TENM4: variants seen among roughly 807,000 people sequenced by gnomAD.
TENM4 encodes the protein teneurin transmembrane protein 4, also known as teneurin-4.
In TENM4, 82 loss-of-function variants were observed where a neutral mutation model predicts 243.3. The observed-to-expected ratio is 0.34, with a 90% CI of 0.28 to 0.40. TENM4 has a LOEUF of 0.40. Ranked by LOEUF, TENM4 falls within the 10% of genes least tolerant of loss-of-function variation. The pLI is 1.00. For missense variants in TENM4, 3,138 were observed against 3,673.3 expected, an observed-to-expected ratio of 0.85 and a Z score of 3.77; for synonymous variants, 1,412 against 1,456.3, an observed-to-expected ratio of 0.97 and a Z score of 0.69.
chr11:78,901,156 A>T (rs564464537), intron 7 of TENM4, among the ~76,000 whole-genome samples: 84 of 152,302 alleles, frequency 5.5e-4, no homozygotes, highest in Non-Finnish European at 6.6e-4. Flanking sequence ...GCATATACAT[A>T]CACTGAATAT....
chr11:79,276,902 C>T (rs913307234), intron 2 of TENM4, among the ~76,000 whole-genome samples: 2 of 152,150 alleles, frequency 1.3e-5, no homozygotes, highest in Admixed American at 1.3e-4. Flanking sequence ...ATAACCCCTT[C>T]CCCCATCCCC....
intron 6 of TENM4, among the ~76,000 whole-genome samples, chr11:78,965,967 GTTT>G (rs1295565962): frequency 6.6e-6 from 1 of 152,144 alleles, no homozygotes; most frequent in Non-Finnish European, 1.5e-5. Flanking sequence ...TGTTTAGTAT[GTTT>G]TTTAACATAT....
At chr11:79,095,865 G>A (rs1861063831) in intron 4 of TENM4, 11 of 152,208 alleles carry the variant, frequency 7.2e-5, no homozygotes, top group Admixed American at 7.2e-4. Flanking sequence ...AAGTAGCAGA[G>A]TTAGGGGTCA....
At chr11:79,298,521 C>CAAAAAAAA (rs61373828) in intron 1 of TENM4, among the ~76,000 whole-genome samples, 18 of 17,232 alleles carry the variant, frequency 1.0e-3, no homozygotes, top group Non-Finnish European at 2.5e-3. Flanking sequence ...GACTCCGTCT[C>CAAAAAAAA]AAAAAAAAAA....
At chr11:79,333,490 C>G (rs1857095398) in intron 1 of TENM4, among the ~76,000 whole-genome samples, 1 of 152,210 alleles carries the variant, frequency 6.6e-6, no homozygotes, top group South Asian at 2.1e-4. Context: ...GGAAAGTGAT[C>G]TTTGAGCAGA....
chr11:79,183,316 C>T (rs947402939), intron 3 of TENM4, among the ~76,000 whole-genome samples: 2 of 152,114 alleles, frequency 1.3e-5, no homozygotes, highest in Admixed American at 6.6e-5. Flanking sequence ...AAGTCTACAT[C>T]CTGCATTATT....
intron 6 of TENM4, among the ~76,000 whole-genome samples, chr11:78,984,043 T>C (rs1452910876): frequency 6.6e-6 from 1 of 152,170 alleles, no homozygotes; most frequent in Non-Finnish European, 1.5e-5. Flanking sequence ...GAAAAAGCCC[T>C]GGGCTCTTCG....
intron 4 of TENM4, among the ~76,000 whole-genome samples, chr11:79,105,005 G>C (rs1861330278): frequency 6.6e-6 from 1 of 152,144 alleles, no homozygotes; most frequent in Non-Finnish European, 1.5e-5. Flanking sequence ...GATTTTAAAA[G>C]GTTTTAGAAT....
intron 29 of TENM4, among the ~76,000 whole-genome samples, chr11:78,686,893 T>C (rs1296427683): frequency 6.6e-6 from 1 of 152,190 alleles, no homozygotes; most frequent in Non-Finnish European, 1.5e-5. Flanking sequence ...AATTTGGGAG[T>C]AAAAGTGGTT....
intron 9 of TENM4, among the ~76,000 whole-genome samples, chr11:78,883,260 G>A (rs1178859801): frequency 4.1e-5 from 6 of 147,892 alleles, no homozygotes; most frequent in African/African-American, 8.0e-5. Context: ...CCCACTTTGC[G>A]TTTTTCAACA....
intron 4 of TENM4, among the ~76,000 whole-genome samples, chr11:79,080,266 G>T (rs960503743): frequency 6.6e-6 from 1 of 152,220 alleles, no homozygotes; most frequent in African/African-American, 2.4e-5. Flanking sequence ...TAGACCCGGG[G>T]ACAAGGGGTT....
chr11:78,913,955 G>A (rs1340259335), intron 6 of TENM4, among the ~76,000 whole-genome samples: 1 of 152,158 alleles, frequency 6.6e-6, no homozygotes, highest in African/African-American at 2.4e-5. Context: ...GAGGAGAAGG[G>A]GAAGGAGAAG....
chr11:78,903,529 G>A lies in TENM4; in HGVS notation c.494-6C>T, dbSNP rs976224246. On this transcript the variant is annotated splice_region_variant and splice_polypyrimidine_tract_variant and intron_variant, in intron 6 of 33. Coordinates refer to ENST00000278550, the MANE Select transcript of TENM4 (RefSeq NM_001098816.3). Reference sequence around the variant, plus strand: ...CTGCAGGCCGCCCGGATGATCTAGGGCACAAACATGGCGGTCAGCGGCGGT... The same window carrying A: ...CTGCAGGCCGCCCGGATGATCTAGGACACAAACATGGCGGTCAGCGGCGGT... 3 of 1,545,200 alleles carry A rather than the reference G, an allele frequency of 1.9e-6. No individual in the cohort carries two copies. The highest frequency in any genetic ancestry group is 2.4e-5 in the East Asian group (1 of 40,888).
rs537445915 is a variant in TENM4, at chr11:78,765,378, T to C, written c.2539+5614A>G. Among the ~76,000 whole-genome samples, 92 of 152,334 alleles carry C rather than the reference T, an allele frequency of 6.0e-4. 1 individual carries two copies. The highest frequency in any genetic ancestry group is 2.1e-3 in the African/African-American group (88 of 41,574). On this transcript the variant is annotated intron_variant, in intron 18 of 33. Transcript: ENST00000278550. ...ATAGTTTGAAGGGTGACCAAATTCTTTGGCTTTATGTGAACTCTCCCTTCC... is the reference window on the plus strand; with the variant it reads ...ATAGTTTGAAGGGTGACCAAATTCTCTGGCTTTATGTGAACTCTCCCTTCC...
intron 12 of TENM4, among the ~76,000 whole-genome samples, chr11:78,825,972 GAA>G (rs1857838599): frequency 6.6e-6 from 1 of 152,028 alleles, no homozygotes; most frequent in South Asian, 2.1e-4. Flanking sequence ...AGGTTCTGAG[GAA>G]GTGGGGTGTG....
At chr11:78,920,076 A>C (rs577117197) in intron 6 of TENM4, among the ~76,000 whole-genome samples, 1 of 152,288 alleles carries the variant, frequency 6.6e-6, no homozygotes, top group African/African-American at 2.4e-5. Flanking sequence ...CACTGAGTCC[A>C]GTGCTTGTCA....
chr11:78,869,037 C>T (rs955002734), intron 9 of TENM4, among the ~76,000 whole-genome samples: 7 of 152,002 alleles, frequency 4.6e-5, no homozygotes, highest in African/African-American at 1.7e-4. Flanking sequence ...GGCTTTCATT[C>T]CCTAGGTTAT....
intron 6 of TENM4, among the ~76,000 whole-genome samples, chr11:78,970,889 TAAAC>T (rs1184743638): frequency 1.3e-5 from 2 of 152,152 alleles, no homozygotes; most frequent in Non-Finnish European, 2.9e-5. Flanking sequence ...TGGTTAAAAA[TAAAC>T]AAAAACCACA....
chr11:78,684,154 T>C (rs1858596267), intron 29 of TENM4, among the ~76,000 whole-genome samples: 1 of 152,172 alleles, frequency 6.6e-6, no homozygotes. Context: ...ATGAACAAAT[T>C]CTCCAATATT....
Sources: allele counts gnomAD v4.1 joint callset (sites outside exome capture counted in the v4.1 genomes callset), GRCh38; gene constraint gnomAD v4.1.1; transcripts MANE v1.5; gene names NCBI Gene and HGNC (gene_info 2026-07-23, HGNC 2026-07-21).